PTPRM: variants seen among roughly 807,000 people sequenced by gnomAD.
PTPRM encodes receptor-type tyrosine-protein phosphatase mu.
A neutral mutation model predicts 186.7 loss-of-function variants in PTPRM; 47 were observed. The ratio of observed to expected loss-of-function variants is 0.25; its 90% confidence interval spans 0.20 to 0.32. PTPRM has a LOEUF of 0.32. Ranked by LOEUF, PTPRM falls within the 10% of genes least tolerant of loss-of-function variation. The probability of loss-of-function intolerance (pLI) is 1.00; values close to 1 mark genes in which losing one functional copy is unlikely to be tolerated. For synonymous variants in PTPRM, 668 were observed against 674.9 expected (o/e 0.99, Z 0.16); for missense variants, 1,494 against 1,865.0 (o/e 0.80, Z 3.66).
intron 14 of PTPRM, among the ~76,000 whole-genome samples, chr18:8,167,918 A>G (rs1276092762): frequency 1.3e-5 from 2 of 152,186 alleles, no homozygotes; most frequent in Non-Finnish European, 2.9e-5. Context: ...TTAAGCCTTT[A>G]TGGTGATTTG....
chr18:8,146,958 C>T (rs1240231182), intron 14 of PTPRM, among the ~76,000 whole-genome samples: 3 of 152,066 alleles, frequency 2.0e-5, no homozygotes, highest in African/African-American at 7.2e-5. Flanking sequence ...TCAGATGGTT[C>T]TAGATGTGTG....
intron 7 of PTPRM, among the ~76,000 whole-genome samples, chr18:8,014,327 G>A (rs930028209): frequency 6.6e-6 from 1 of 152,092 alleles, no homozygotes; most frequent in African/African-American, 2.4e-5. Flanking sequence ...TCTTTTGACT[G>A]AAAATCTTAT....
At chr18:7,747,424 C>G (rs973290836) in intron 1 of PTPRM, 3 of 152,170 alleles carry the variant, frequency 2.0e-5, no homozygotes, top group Non-Finnish European at 2.9e-5. Context: ...CTAGGGTGGC[C>G]GGAAGACTGG....
At chr18:7,811,192 T>C (rs919605877) in intron 2 of PTPRM, among the ~76,000 whole-genome samples, 1 of 152,236 alleles carries the variant, frequency 6.6e-6, no homozygotes, top group Non-Finnish European at 1.5e-5. Context: ...GGCAACAGCC[T>C]GTGACAACAA....
At chr18:8,339,921 A>T in intron 22 of PTPRM, among the ~76,000 whole-genome samples, 1 of 152,132 alleles carries the variant, frequency 6.6e-6, no homozygotes, top group East Asian at 1.9e-4. Context: ...AAAAGAAAAA[A>T]CAGGATTGAT....
intron 3 of PTPRM, among the ~76,000 whole-genome samples, chr18:7,890,966 G>T (rs1462082396): frequency 6.6e-6 from 1 of 152,078 alleles, no homozygotes; most frequent in Non-Finnish European, 1.5e-5. Flanking sequence ...AATATATCCT[G>T]AAATAAATAC....
intron 20 of PTPRM, among the ~76,000 whole-genome samples, chr18:8,297,196 C>T (rs763618683): frequency 2.8e-4 from 43 of 152,128 alleles, no homozygotes; most frequent in South Asian, 4.1e-4. Flanking sequence ...CCGCTGTAGT[C>T]GCCTAACATA....
intron 7 of PTPRM, among the ~76,000 whole-genome samples, chr18:7,985,133 A>G (rs1348545468): frequency 7.6e-6 from 1 of 131,104 alleles, no homozygotes; most frequent in East Asian, 2.2e-4. Context: ...ACATATAAAT[A>G]TATACATATA....
At chr18:8,021,388 A>G (rs1171963082) in intron 7 of PTPRM, among the ~76,000 whole-genome samples, 1 of 151,778 alleles carries the variant, frequency 6.6e-6, no homozygotes, top group Non-Finnish European at 1.5e-5. Flanking sequence ...GTTCCAGGAT[A>G]CGTGTGCAGA....
At chr18:8,006,948 C>A (rs1400095923) in intron 7 of PTPRM, among the ~76,000 whole-genome samples, 1 of 152,158 alleles carries the variant, frequency 6.6e-6, no homozygotes, top group Non-Finnish European at 1.5e-5. Context: ...TCTCAATATT[C>A]CTAAGAGTTT....
chr18:7,812,053 C>A (rs2044549311), intron 2 of PTPRM, among the ~76,000 whole-genome samples: 1 of 152,048 alleles, frequency 6.6e-6, no homozygotes, highest in South Asian at 2.1e-4. Context: ...GATTCTTAAT[C>A]AAGAAAAAAT....
At chr18:7,908,124 C>A (rs183780602) in intron 4 of PTPRM, among the ~76,000 whole-genome samples, 1 of 152,090 alleles carries the variant, frequency 6.6e-6, no homozygotes, top group Non-Finnish European at 1.5e-5. Flanking sequence ...AGTGCAGAGA[C>A]GTTCTTAGTT....
chr18:7,596,745 A>G (rs1482628399), intron 1 of PTPRM, among the ~76,000 whole-genome samples: 2 of 152,032 alleles, frequency 1.3e-5, no homozygotes, highest in Non-Finnish European at 2.9e-5. Flanking sequence ...CTTTTTTCCT[A>G]CTGGAGTCAT....
At chr18:7,725,278 A>T (rs1178186073) in intron 1 of PTPRM, among the ~76,000 whole-genome samples, 17 of 152,298 alleles carry the variant, frequency 1.1e-4, no homozygotes, top group Non-Finnish European at 1.9e-4. Context: ...CACATTGTAC[A>T]GTTCACTGAC....
chr18:8,152,847 AGCTGGGAATATAG>A (rs1353185683), intron 14 of PTPRM, among the ~76,000 whole-genome samples: 2 of 150,646 alleles, frequency 1.3e-5, no homozygotes, highest in East Asian at 4.0e-4. Flanking sequence ...CCTCCCAAGT[AGCTGGGAATATAG>A]GCTCACACCA....
chr18:8,119,980 A>G (rs1395563641), intron 13 of PTPRM, among the ~76,000 whole-genome samples: 2 of 152,180 alleles, frequency 1.3e-5, no homozygotes, highest in Non-Finnish European at 2.9e-5. Flanking sequence ...ATTCTCTTTT[A>G]TAATGCATCT....
chr18:7,918,745 G>T (rs1369832602), intron 4 of PTPRM, among the ~76,000 whole-genome samples: 1 of 152,118 alleles, frequency 6.6e-6, no homozygotes, highest in Non-Finnish European at 1.5e-5. Context: ...CCCATTCCAT[G>T]GGCTCCCTTC....
chr18:8,265,034 T>C (rs2094684550), intron 19 of PTPRM, among the ~76,000 whole-genome samples: 1 of 152,168 alleles, frequency 6.6e-6, no homozygotes, highest in Admixed American at 6.5e-5. Context: ...GGAAATAACC[T>C]TGTGTTTTAT....
rs570525367 is a variant in PTPRM, at chr18:7,768,935, A to G, written c.74-5214A>G. ...TGCTGGGATTACAGGTGTGAGCCAC[A>G]GTGCCTGGCCCATAAAGATAATTTT... On this transcript the variant is annotated intron_variant, in intron 1 of 32. Transcript: ENST00000580170. Among the ~76,000 whole-genome samples, 4 of 152,160 alleles carry G rather than the reference A, an allele frequency of 2.6e-5. No homozygotes were observed. In the East Asian group the frequency reaches 7.8e-4, roughly 30 times the overall value.
Sources: allele counts gnomAD v4.1 joint callset (sites outside exome capture counted in the v4.1 genomes callset), GRCh38; gene constraint gnomAD v4.1.1; transcripts MANE v1.5; gene names NCBI Gene and HGNC (gene_info 2026-07-23, HGNC 2026-07-21).